PYHIN1: variants seen among roughly 807,000 people sequenced by gnomAD.
PYHIN1 encodes pyrin and HIN domain-containing protein 1.
A neutral mutation model predicts 43.7 loss-of-function variants in PYHIN1; 32 were observed. The ratio of observed to expected loss-of-function variants is 0.73; its 90% CI spans 0.55 to 0.98. The LOEUF is 0.98. Among genes scored for constraint, PYHIN1 ranks in the 50% least tolerant of loss-of-function variants. PYHIN1 has a pLI of 0.00. For missense variants in PYHIN1, 588 were observed against 589.5 expected, an observed-to-expected ratio of 1.00 and a Z score of 0.03; for synonymous variants, 205 against 203.1, an observed-to-expected ratio of 1.01 and a Z score of -0.08.
chr1:158,970,038 G>A (rs1229657001), intron 7 of PYHIN1, among the ~76,000 whole-genome samples: 1 of 151,896 alleles, frequency 6.6e-6, no homozygotes, highest in Non-Finnish European at 1.5e-5. Flanking sequence ...TCAAAAATTT[G>A]TGTATGATAT....
At chr1:158,958,476 AATC>A (rs1246081000) in intron 7 of PYHIN1, among the ~76,000 whole-genome samples, 1 of 149,068 alleles carries the variant, frequency 6.7e-6, no homozygotes. Flanking sequence ...TGAAATTGGA[AATC>A]ATCATTCTCA....
At chr1:158,978,123 T>C (rs555657909), downstream of PYHIN1, among the ~76,000 whole-genome samples, 1 of 152,212 alleles carries the variant, frequency 6.6e-6, no homozygotes, top group South Asian at 2.1e-4. Context: ...TAGTTTTTTT[T>C]TCCTCTTGCC....
At position 158,942,145 on chromosome 1, in the gene PYHIN1, T is replaced by C. The variant is rs769253881; in HGVS notation, c.748T>C (p.Phe250Leu). 1 of 1,614,172 alleles carries C rather than the reference T, an allele frequency of 6.2e-7. No homozygotes were observed. The highest frequency in any genetic ancestry group is 1.1e-5 in the South Asian group (1 of 91,080). The stretch of plus-strand genomic sequence containing the variant: ...TACAGTGGCTACGCAGACACAGTTC[T>C]TTCATGTGAAGGTTTTAAACATCAA... Reference protein sequence around the residue: ...HATVATQTQFFHVKVLNINLK... With the variant: ...HATVATQTQFLHVKVLNINLK... Residue 250 changes from phenylalanine (F) to leucine (L), a missense_variant, in exon 5 of 9, where the codon TTT becomes CTT. Coordinates refer to ENST00000368140, the MANE Select transcript of PYHIN1 (RefSeq NM_152501.5).
downstream of PYHIN1, among the ~76,000 whole-genome samples, chr1:158,979,120 C>G (rs564687819): frequency 6.6e-6 from 1 of 152,156 alleles, no homozygotes; most frequent in South Asian, 2.1e-4. Flanking sequence ...TTCTCTAAAA[C>G]CACATAGTGA....
At chr1:158,939,505 A>G (rs766864058) in intron 4 of PYHIN1, 1 of 1,550,806 alleles carries the variant, frequency 6.4e-7, no homozygotes, top group South Asian at 1.2e-5. Flanking sequence ...ACTTTCAGCA[A>G]CAGACTCACT....
the PYHIN1 span, among the ~76,000 whole-genome samples, chr1:158,989,318 A>G: frequency 6.6e-6 from 1 of 152,114 alleles, no homozygotes; most frequent in Admixed American, 6.6e-5. Flanking sequence ...TATATTTTGC[A>G]TTTCATCAGG....
chr1:158,990,334 T>C, the PYHIN1 span, among the ~76,000 whole-genome samples: 1 of 152,206 alleles, frequency 6.6e-6, no homozygotes, highest in African/African-American at 2.4e-5. Flanking sequence ...TTCTCTGTTG[T>C]GACCTTTCTT....
the PYHIN1 span, among the ~76,000 whole-genome samples, chr1:158,990,677 C>G: frequency 6.6e-6 from 1 of 152,162 alleles, no homozygotes; most frequent in Admixed American, 6.5e-5. Flanking sequence ...TCTCCCTCCC[C>G]TACAACATCC....
rs1213381695 is a variant in PYHIN1, at chr1:158,939,569, A to C, written c.579+322A>C. 2.0e-6 allele frequency: 3 copies of C among 1,506,392 alleles called. No homozygotes were observed. The African/African-American group carries it at 4.2e-5, about 21-fold the overall frequency. 93.3% of individuals were successfully genotyped at this position (1,506,392 alleles called of 1,614,324 possible). A position where few individuals can be genotyped will look rare whatever the true frequency, so the allele number is the denominator to read the frequency against. ...ATTCCCTTTGCTCACTAATTTGTTCAAGTTTCTCTGACATACACCATGCTC... is the reference window on the plus strand; with the variant it reads ...ATTCCCTTTGCTCACTAATTTGTTCCAGTTTCTCTGACATACACCATGCTC... On this transcript the variant is annotated intron_variant, in intron 4 of 8. Transcript: ENST00000368140.
At chr1:158,987,434 C>T in the PYHIN1 span, among the ~76,000 whole-genome samples, 1 of 152,140 alleles carries the variant, frequency 6.6e-6, no homozygotes, top group African/African-American at 2.4e-5. Context: ...TTGTATAGTT[C>T]CTTATAAGTC....
intron 7 of PYHIN1, among the ~76,000 whole-genome samples, chr1:158,956,834 T>C (rs919829180): frequency 2.1e-5 from 3 of 140,066 alleles, no homozygotes; most frequent in African/African-American, 8.0e-5. Context: ...GCAGACGACA[T>C]GATTGTATAT....
chr1:158,939,815 C>T (rs779518927), intron 4 of PYHIN1: 2 of 398,976 alleles, frequency 5.0e-6, no homozygotes, highest in Non-Finnish European at 9.0e-6. Flanking sequence ...GTTTATCTTT[C>T]CCACCTACTC....
intron 7 of PYHIN1, among the ~76,000 whole-genome samples, chr1:158,947,190 T>A (rs1384150215): frequency 6.6e-6 from 1 of 152,236 alleles, no homozygotes; most frequent in Admixed American, 6.5e-5. Context: ...GTTAAGTATA[T>A]TCTTTGAGAC....
chr1:158,973,812 A>AT, intron 8 of PYHIN1, 41 bp downstream of exon 8: 1 of 1,602,896 alleles, frequency 6.2e-7, no homozygotes, highest in Non-Finnish European at 8.5e-7. Flanking sequence ...TCTAAAATAT[A>AT]ATTGTAGGGG....
intron 7 of PYHIN1, among the ~76,000 whole-genome samples, chr1:158,958,390 A>G (rs1268761815): frequency 1.5e-5 from 2 of 131,342 alleles, no homozygotes; most frequent in African/African-American, 2.8e-5. Context: ...GATTAAGAAA[A>G]TGTGGCACAT....
rs1649148164 is a variant in PYHIN1 at position 158,945,039 on chromosome 1, C to T, written c.1356C>T (p.Thr452=). 6.2e-7 allele frequency: 1 copy of T among 1,612,288 alleles called. No individual in the cohort carries two copies. Residue 452 remains threonine (T), a synonymous_variant, in exon 7 of 9, where the codon ACC becomes ACT. Coordinates refer to ENST00000368140, the MANE Select transcript of PYHIN1 (RefSeq NM_152501.5). ...PPTTPSSSSF[T]KKDETHPGAQ... ...CAACCCCATCCAGCAGTTCCTTCAC[C>T]AAGGTACAATATCCTGGGTCCCATG...
intron 4 of PYHIN1, chr1:158,939,690 CTTATCCT>C: frequency 3.1e-6 from 2 of 639,642 alleles, no homozygotes; most frequent in Non-Finnish European, 5.6e-6. Context: ...ATATTGAGAT[CTTATCCT>C]CAGGGAATCC....
In PYHIN1 at chr1:158,933,791, CTTTCTG is replaced by C. The variant is rs1648319256; in HGVS notation, c.-21+2021_-21+2026del. On this transcript the variant is annotated intron_variant, in intron 1 of 8. Transcript: ENST00000368140. This position sits in a 1 kb window ranked among gnomAD's most constrained non-coding sequence, Gnocchi z 6.3. Reference sequence around the variant, plus strand: ...TCCCTCCCTCCACCATGTTGGTATACTTTCTGTTTCTCTTTTCTTTGATCAGGGCTT... The same window carrying C: ...TCCCTCCCTCCACCATGTTGGTATACTTTCTCTTTTCTTTGATCAGGGCTT... Among the ~76,000 whole-genome samples the C allele has an allele frequency of 6.6e-6, 1 of 151,984 alleles. No individual in the cohort carries two copies. Among genetic ancestry groups the C allele is most frequent in the Admixed American group, 6.6e-5 (1 of 15,256 alleles).
At chr1:158,943,198 T>C (rs543608204) in intron 5 of PYHIN1, among the ~76,000 whole-genome samples, 45 of 152,320 alleles carry the variant, frequency 3.0e-4, no homozygotes, top group Non-Finnish European at 5.3e-4. Context: ...CATTGCTTTC[T>C]GTACACACTC....
Sources: allele counts gnomAD v4.1 joint callset (sites outside exome capture counted in the v4.1 genomes callset), GRCh38; gene constraint gnomAD v4.1.1; non-coding constraint Gnocchi (gnomAD v3.1); transcripts MANE v1.5; gene names NCBI Gene and HGNC (gene_info 2026-07-23, HGNC 2026-07-21).